The following LUZP2 variants were observed in gnomAD, a reference collection of about 807,000 sequenced individuals.
LUZP2 encodes leucine zipper protein 2.
Under a neutral mutation model 51.6 loss-of-function variants are expected in LUZP2, and 52 were observed. That is an observed-to-expected ratio of 1.01 (90% confidence interval 0.81 to 1.27). The LOEUF (loss-of-function observed/expected upper bound fraction) is 1.27. Among genes scored for constraint, LUZP2 ranks in the 50% most tolerant of loss-of-function variants. LUZP2 has a pLI of 0.00. For missense variants in LUZP2, 436 were observed against 395.4 expected, an observed-to-expected ratio of 1.10 and a Z score of -0.87; for synonymous variants, 154 against 137.3, an observed-to-expected ratio of 1.12 and a Z score of -0.85.
intron 1 of LUZP2, among the ~76,000 whole-genome samples, chr11:24,509,165 T>C (rs1465735411): frequency 6.6e-6 from 1 of 152,188 alleles, no homozygotes; most frequent in Non-Finnish European, 1.5e-5. Flanking sequence ...ATGTAGGAAA[T>C]AGGGTCACCT....
intron 9 of LUZP2, among the ~76,000 whole-genome samples, chr11:25,026,322 T>C (rs1042805447): frequency 2.0e-5 from 3 of 151,984 alleles, no homozygotes; most frequent in Non-Finnish European, 2.9e-5. Flanking sequence ...TAAAATAAGA[T>C]GAAAAGCAAT....
chr11:24,937,774 G>A (rs1396511145), intron 7 of LUZP2, among the ~76,000 whole-genome samples: 2 of 151,898 alleles, frequency 1.3e-5, no homozygotes, highest in Non-Finnish European at 2.9e-5. Context: ...GGTGGCGGGC[G>A]CCCGTAGTTC....
intron 7 of LUZP2, among the ~76,000 whole-genome samples, chr11:24,950,968 A>G (rs554383766): frequency 6.6e-6 from 1 of 151,686 alleles, no homozygotes; most frequent in East Asian, 1.9e-4. Flanking sequence ...AAAATATCTC[A>G]GCAGAAACCC....
chr11:24,592,306 A>T (rs1853287647), intron 1 of LUZP2, among the ~76,000 whole-genome samples: 1 of 152,200 alleles, frequency 6.6e-6, no homozygotes, highest in Admixed American at 6.6e-5. Context: ...TTAGAATTTG[A>T]GGAATATTTC....
chr11:24,999,437 AAGG>A (rs1162758170), intron 9 of LUZP2, among the ~76,000 whole-genome samples: 1 of 151,230 alleles, frequency 6.6e-6, no homozygotes, highest in Non-Finnish European at 1.5e-5. Flanking sequence ...GAGGAGGAAG[AAGG>A]AGGAGAAGGA....
At chr11:24,635,956 C>T (rs10834412) in intron 1 of LUZP2, among the ~76,000 whole-genome samples, 19,845 of 152,058 alleles carry the variant, frequency 0.13, 1,480 homozygotes, top group East Asian at 0.3. Context: ...CAGAGACATG[C>T]TATCCTTACA....
At chr11:24,731,535 T>C (rs944055272) in intron 2 of LUZP2, among the ~76,000 whole-genome samples, 6 of 151,760 alleles carry the variant, frequency 4.0e-5, no homozygotes, top group Admixed American at 6.6e-5. Flanking sequence ...CCAGAGTATA[T>C]AAACACTAAG....
chr11:24,646,183 G>T (rs2133953812), intron 1 of LUZP2, among the ~76,000 whole-genome samples: 1 of 152,172 alleles, frequency 6.6e-6, no homozygotes, highest in African/African-American at 2.4e-5. Context: ...AATGAATGTT[G>T]CTTTCTGTGT....
chr11:24,802,191 G>T (rs2134117918), intron 5 of LUZP2, among the ~76,000 whole-genome samples: 1 of 151,908 alleles, frequency 6.6e-6, no homozygotes, highest in Middle Eastern at 3.4e-3. Context: ...ATTATATCTG[G>T]CTCTTTTCAC....
intron 5 of LUZP2, among the ~76,000 whole-genome samples, chr11:24,898,917 C>T (rs1853179032): frequency 6.6e-6 from 1 of 151,562 alleles, no homozygotes; most frequent in Non-Finnish European, 1.5e-5. Flanking sequence ...TAAGAGACAT[C>T]ACATCATTTC....
intron 5 of LUZP2, among the ~76,000 whole-genome samples, chr11:24,898,159 A>T (rs1350464660): frequency 6.6e-6 from 1 of 152,208 alleles, no homozygotes; most frequent in Non-Finnish European, 1.5e-5. Context: ...TATCTGTGAG[A>T]AAATATCCAT....
chr11:25,040,776 A>C (rs1020989956), intron 9 of LUZP2, among the ~76,000 whole-genome samples: 4 of 152,124 alleles, frequency 2.6e-5, no homozygotes, highest in African/African-American at 9.7e-5. Context: ...TGATGATCTC[A>C]TTTTTGTCAG....
chr11:24,948,802 CTCTA>C (rs201706014), intron 7 of LUZP2, among the ~76,000 whole-genome samples: 11 of 123,572 alleles, frequency 8.9e-5, no homozygotes, highest in African/African-American at 2.5e-4. Context: ...CCTCTTGAAA[CTCTA>C]TCTATCTATC....
chr11:24,796,016 T>C (rs35704367), intron 5 of LUZP2, among the ~76,000 whole-genome samples: 1 of 152,140 alleles, frequency 6.6e-6, no homozygotes, highest in Admixed American at 6.6e-5. Context: ...TTAGATACTG[T>C]ATAAACTTAT....
chr11:24,766,076 AG>A (rs1860179576), intron 5 of LUZP2, among the ~76,000 whole-genome samples: 1 of 152,096 alleles, frequency 6.6e-6, no homozygotes, highest in African/African-American at 2.4e-5. Context: ...GAGTATTTCA[AG>A]CACCTTTATT....
intron 5 of LUZP2, among the ~76,000 whole-genome samples, chr11:24,871,169 A>C (rs918042583): frequency 2.0e-5 from 3 of 152,118 alleles, no homozygotes; most frequent in Non-Finnish European, 4.4e-5. Context: ...TAATGTTTAC[A>C]AAATTTCTTT....
chr11:24,682,964 G>A (rs1856795289), intron 1 of LUZP2, among the ~76,000 whole-genome samples: 1 of 151,970 alleles, frequency 6.6e-6, no homozygotes, highest in African/African-American at 2.4e-5. Context: ...AGATCAGCTT[G>A]GGCGACAGAG....
At chr11:24,721,593 C>A (rs1437580091) in intron 1 of LUZP2, among the ~76,000 whole-genome samples, 1 of 152,018 alleles carries the variant, frequency 6.6e-6, no homozygotes, top group Non-Finnish European at 1.5e-5. Context: ...GTAAGCGATG[C>A]ACAAATGTAA....
intron 5 of LUZP2, among the ~76,000 whole-genome samples, chr11:24,773,672 G>T (rs929097153): frequency 2.0e-5 from 3 of 152,264 alleles, no homozygotes; most frequent in African/African-American, 7.2e-5. Context: ...GGGTGCACAT[G>T]TTCTGTGGTT....
Sources: allele counts gnomAD v4.1 joint callset (sites outside exome capture counted in the v4.1 genomes callset), GRCh38; gene constraint gnomAD v4.1.1; transcripts MANE v1.5; gene names NCBI Gene and HGNC (gene_info 2026-07-23, HGNC 2026-07-21).